Variants in MTHFD1 observed in about 807,000 individuals in gnomAD.
MTHFD1 encodes the protein methylenetetrahydrofolate dehydrogenase, cyclohydrolase and formyltetrahydrofolate synthetase 1.
MTHFD1 carries 44 observed loss-of-function variants against 110.3 expected under a neutral mutation model. The ratio of observed to expected loss-of-function variants is 0.40; its 90% CI spans 0.31 to 0.51. The LOEUF (loss-of-function observed/expected upper bound fraction) is 0.51, where lower values mean the gene tolerates loss of function less well. Among genes scored for constraint, MTHFD1 ranks in the 20% least tolerant of loss-of-function variants. The pLI is 0.60. For synonymous variants in MTHFD1, 402 were observed against 428.8 expected, an observed-to-expected ratio of 0.94 and a Z score of 0.77; for missense variants, 909 against 1,173.1, an observed-to-expected ratio of 0.77 and a Z score of 3.29.
At chr14:64,400,148 G>C (rs552058575) in intron 1 of MTHFD1, among the ~76,000 whole-genome samples, 5 of 151,628 alleles carry the variant, frequency 3.3e-5, no homozygotes, top group Non-Finnish European at 5.9e-5. Context: ...CAGCACTTTG[G>C]GAAGCTGAGG....
chr14:64,456,299 G>T (rs1474177041), intron 26 of MTHFD1, among the ~76,000 whole-genome samples: 1 of 152,168 alleles, frequency 6.6e-6, no homozygotes, highest in Non-Finnish European at 1.5e-5. Flanking sequence ...TGATCAAATG[G>T]TTTAATCACT....
At chr14:64,392,837 A>T (rs1436838858) in intron 1 of MTHFD1, among the ~76,000 whole-genome samples, 1 of 152,224 alleles carries the variant, frequency 6.6e-6, no homozygotes, top group East Asian at 1.9e-4. Context: ...CTCATTGAAT[A>T]AAAAAGTGAT....
intron 18 of MTHFD1, chr14:64,440,594 G>C (rs1035011531): frequency 2.7e-6 from 1 of 373,614 alleles, no homozygotes; most frequent in Non-Finnish European, 5.2e-6. Context: ...TTTGTTGCTA[G>C]GTAGTTCAGC....
In MTHFD1 at chr14:64,415,499, G is replaced by A. The variant is rs771473452; in HGVS notation, c.377+5G>A. On this transcript the variant is annotated splice_donor_5th_base_variant and intron_variant, in intron 5 of 27. Transcript: ENST00000652337. Reference sequence around the variant, plus strand: ...ACCCGAGAAGGATGTGGATGGGTAAGTGTGGCTTGGCTTCCTATGTCTCAT... The same window carrying A: ...ACCCGAGAAGGATGTGGATGGGTAAATGTGGCTTGGCTTCCTATGTCTCAT... The A allele has an allele frequency of 1.2e-6, 2 of 1,614,138 alleles. No homozygotes were observed. The highest frequency in any genetic ancestry group is 1.7e-6 in the Non-Finnish European group (2 of 1,179,992).
chr14:64,427,351 C>T lies in MTHFD1; in HGVS notation c.1142C>T (p.Pro381Leu). 6.2e-7 allele frequency: 1 copy of T among 1,614,182 alleles called. No homozygotes were observed. Residue 381 changes from proline to leucine, a missense_variant, in exon 12 of 28, where the codon CCC (proline) becomes CTC (leucine). By Grantham distance (98) the Pro-to-Leu change is moderately conservative. Transcript: ENST00000652337. Reference sequence around the variant, plus strand: ...TCGTCTTGAAGAATAACTCCAACACCCCTGGGAGAAGGGAAAAGCACAACT... The same window carrying T: ...TCGTCTTGAAGAATAACTCCAACACTCCTGGGAGAAGGGAAAAGCACAACT... ...YVVVTGITPTPLGEGKSTTTI... is the reference protein window; with the variant it reads ...YVVVTGITPTLLGEGKSTTTI...
chr14:64,428,980 T>TA (rs1206464328), intron 12 of MTHFD1, among the ~76,000 whole-genome samples: 3 of 152,096 alleles, frequency 2.0e-5, no homozygotes, highest in Admixed American at 6.5e-5. Flanking sequence ...CTTTTACTCT[T>TA]ACTGCAAATT....
At chr14:64,398,836 C>T (rs551483529) in intron 1 of MTHFD1, among the ~76,000 whole-genome samples, 1 of 152,294 alleles carries the variant, frequency 6.6e-6, no homozygotes, top group East Asian at 1.9e-4. Context: ...TATCATATAT[C>T]ATAACTGGGC....
intron 7 of MTHFD1, among the ~76,000 whole-genome samples, chr14:64,418,294 T>A (rs1324514521): frequency 2.6e-5 from 4 of 150,956 alleles, no homozygotes; most frequent in Non-Finnish European, 4.4e-5. Context: ...GCAAAAAAAA[T>A]TAAAAATTAG....
At chr14:64,459,397 C>T (rs1426691589) in intron 27 of MTHFD1, among the ~76,000 whole-genome samples, 4 of 152,108 alleles carry the variant, frequency 2.6e-5, no homozygotes, top group Non-Finnish European at 4.4e-5. Context: ...ACAAGGATAT[C>T]AAAGGGTCAT....
Position 64,408,285 on chromosome 14 carries a change from C to CCTTTTTTTT in MTHFD1, c.127-2805_127-2804insCTTTTTTTT, listed in dbSNP as rs34166790. On this transcript the variant is annotated intron_variant, in intron 2 of 27. Coordinates refer to ENST00000652337, the MANE Select transcript of MTHFD1 (RefSeq NM_005956.4). ...CCACCTTCAAGGAGAAATCAGCATT[C>CCTTTTTTTT]TTTTTTTTTTTTTTTTTTTTGAGAT... 5.8e-5 allele frequency among the ~76,000 whole-genome samples: 7 copies of CCTTTTTTTT among 121,208 alleles called. 3 individuals carry two copies. The allele number at this position is 121,208 out of a possible 152,430, so 79.5% of individuals were successfully genotyped here.
rs1295825838 is a variant in MTHFD1, at chr14:64,453,737, T to C, written c.2458-17T>C. ...TGTGTCCAGTCATGGTGTCCCCATC[T>C]CTTTCTTGTGCATTAGCTCCCAGTT... On this transcript the variant is annotated splice_polypyrimidine_tract_variant and intron_variant, in intron 24 of 27. Coordinates refer to ENST00000652337, the MANE Select transcript of MTHFD1 (RefSeq NM_005956.4). 1 of 1,476,094 alleles carries C rather than the reference T, an allele frequency of 6.8e-7. No homozygotes were observed. Among genetic ancestry groups the C allele is most frequent in the Admixed American group, 1.7e-5 (1 of 59,828 alleles). The allele number at this position is 1,476,094 out of a possible 1,614,324, so 91.4% of individuals were successfully genotyped here.
At chr14:64,449,283 C>A in intron 23 of MTHFD1, 162 bp from the exon 24 acceptor site, 1 of 764,706 alleles carries the variant, frequency 1.3e-6, no homozygotes. Context: ...CCAAAAGTCA[C>A]CAGCTAGTAA....
Position 64,400,803 on chromosome 14 carries a change from G to A in MTHFD1, c.52G>A (p.Ala18Thr). 6.2e-7 allele frequency: 1 copy of A among 1,613,398 alleles called. No homozygotes were observed. The change falls in exon 2 of 28, where the codon GCG (alanine) becomes ACG (threonine). Residue 18 changes from alanine (A) to threonine (T), a missense_variant. Around this residue, in one of 3 missense-constraint regions of MTHFD1, gnomAD observed 424 missense variants for 510.4 expected, o/e 0.83. Coordinates refer to ENST00000652337, the MANE Select transcript of MTHFD1 (RefSeq NM_005956.4). ...NGKEISAQIR[A>T]RLKNQVTQLK... is the part of the protein sequence containing the mutation. ...TTCCTTTTTCTCTAGGCAAATAAGG[G>A]CGAGACTGAAAAATCAAGTCACTCA...
intron 17 of MTHFD1, among the ~76,000 whole-genome samples, chr14:64,439,894 CAAAAAAAAAAAA>C (rs760527922): frequency 0.017 from 948 of 56,622 alleles, 22 homozygotes; most frequent in African/African-American, 0.054. Flanking sequence ...ACTCTGTCTC[CAAAAAAAAAAAA>C]AAAAAAAAAA....
chr14:64,440,929 T>A, intron 18 of MTHFD1: 1 of 257,630 alleles, frequency 3.9e-6, no homozygotes, highest in Non-Finnish European at 7.6e-6. Context: ...TGGTGGCTCA[T>A]GCCTGTAATC....
At chr14:64,444,833 G>A in intron 22 of MTHFD1, 99 bp downstream of exon 22, 13 of 1,327,440 alleles carry the variant, frequency 9.8e-6, no homozygotes, top group Non-Finnish European at 1.3e-5. Context: ...GGTTATTGCT[G>A]TGACCCAGGG....
intron 2 of MTHFD1, among the ~76,000 whole-genome samples, chr14:64,408,284 T>C (rs1566557797): frequency 3.9e-5 from 4 of 103,606 alleles, no homozygotes; most frequent in African/African-American, 1.2e-4. Context: ...AAATCAGCAT[T>C]CTTTTTTTTT....
At chr14:64,412,371 A>G in intron 3 of MTHFD1, 101 bp from the exon 4 acceptor site, 1 of 877,210 alleles carries the variant, frequency 1.1e-6, no homozygotes, top group Non-Finnish European at 1.9e-6. Context: ...GGGTGAAATG[A>G]TGACCAACAC....
rs1307952267 is a variant in MTHFD1, at chr14:64,459,731, A to G, written c.*5-28A>G. The G allele has an allele frequency of 2.6e-6, 4 of 1,518,206 alleles. No homozygotes were observed. The South Asian group carries it at 4.8e-5, about 18-fold the overall frequency. 94.0% of individuals were successfully genotyped at this position (1,518,206 alleles called of 1,614,324 possible). On this transcript the variant is annotated intron_variant, in intron 27 of 27. Transcript: ENST00000652337. ...AACATTTCAGTGCTTGCTTAGAGAAAACATTTATTTCTTGTTTTTCCTTCC... is the reference window on the plus strand; with the variant it reads ...AACATTTCAGTGCTTGCTTAGAGAAGACATTTATTTCTTGTTTTTCCTTCC...
Sources: allele counts gnomAD v4.1 joint callset (sites outside exome capture counted in the v4.1 genomes callset), GRCh38; gene constraint gnomAD v4.1.1; regional missense constraint gnomAD v4.1.1; transcripts MANE v1.5; gene names NCBI Gene and HGNC (gene_info 2026-07-23, HGNC 2026-07-21).